Variants in TSNARE1 observed in about 807,000 individuals in gnomAD.
TSNARE1 encodes the protein t-SNARE domain containing 1.
Under a neutral mutation model 62.0 loss-of-function variants are expected in TSNARE1, and 49 were observed. The observed-to-expected ratio is 0.79, with a 90% CI of 0.63 to 1.00. The LOEUF (loss-of-function observed/expected upper bound fraction) is 1.00. Ranked by LOEUF, TSNARE1 falls within the 50% of genes least tolerant of loss-of-function variation. The pLI, the probability that TSNARE1 is intolerant of heterozygous loss-of-function variation, is 0.00. For synonymous variants in TSNARE1, 328 were observed against 294.4 expected (o/e 1.11, Z -1.17); for missense variants, 755 against 700.1 (o/e 1.08, Z -0.88).
intron 1 of TSNARE1, among the ~76,000 whole-genome samples, chr8:142,367,235 T>G (rs1035269811): frequency 6.6e-6 from 1 of 152,196 alleles, no homozygotes; most frequent in Non-Finnish European, 1.5e-5. Flanking sequence ...GCTGGACAAG[T>G]TGGCAGACAG....
chr8:142,220,157 G>T (rs1185251447), intron 13 of TSNARE1, among the ~76,000 whole-genome samples: 1 of 152,220 alleles, frequency 6.6e-6, no homozygotes, highest in Admixed American at 6.5e-5. Flanking sequence ...GAGCTCCACG[G>T]CCATGACTGA....
intron 11 of TSNARE1, chr8:142,278,493 G>A: frequency 2.0e-6 from 2 of 985,468 alleles, no homozygotes; most frequent in Non-Finnish European, 2.4e-6. Context: ...GCGGGGCTCT[G>A]CTTCGAAGGG....
At chr8:142,276,525 G>A (rs1820528501) in intron 11 of TSNARE1, 2 of 985,366 alleles carry the variant, frequency 2.0e-6, no homozygotes, top group African/African-American at 1.7e-5. Flanking sequence ...AATGTGGACA[G>A]TGGAGAGCAT....
At position 142,273,192 on chromosome 8, in the gene TSNARE1, T is replaced by TC. The variant is rs1563800987; in HGVS notation, c.1446+1588dup. 1.4e-4 allele frequency: 141 copies of TC among 981,260 alleles called. No homozygotes were observed. In the African/African-American group the frequency reaches 1.9e-3, roughly 13 times the overall value. 60.8% of individuals were successfully genotyped at this position (981,260 alleles called of 1,614,324 possible). ...ACTGCCCTCCTTTCCTCCTCCTCCT[T>TC]CACCTCCTCCTCTTCCTCACTGTCC... On this transcript the variant is annotated intron_variant, in intron 12 of 13. Transcript: ENST00000524325.
chr8:142,308,518 G>C (rs1442953130), intron 9 of TSNARE1, among the ~76,000 whole-genome samples: 1 of 152,126 alleles, frequency 6.6e-6, no homozygotes. Context: ...CGCCACGTAC[G>C]TGTGGTCCGT....
chr8:142,406,625 G>A (rs1454996824), upstream of TSNARE1: 1 of 152,272 alleles, frequency 6.6e-6, no homozygotes, highest in Admixed American at 6.5e-5. Context: ...ACCAGACTAA[G>A]CCCTGTCTTG....
intron 10 of TSNARE1, among the ~76,000 whole-genome samples, chr8:142,285,629 T>G (rs962841378): frequency 6.6e-6 from 1 of 151,728 alleles, no homozygotes; most frequent in Non-Finnish European, 1.5e-5. Flanking sequence ...GGTGGGTGGG[T>G]TGGTCAATGA....
At chr8:142,241,454 C>T (rs532748665) in intron 12 of TSNARE1, among the ~76,000 whole-genome samples, 26 of 152,154 alleles carry the variant, frequency 1.7e-4, no homozygotes, top group Admixed American at 3.9e-4. Context: ...ATATACAGAT[C>T]GAACAGAATC....
At position 142,295,907 on chromosome 8, in the gene TSNARE1, G is replaced by A. The variant is rs934470007; in HGVS notation, c.1290+4579C>T. On this transcript the variant is annotated intron_variant, in intron 10 of 13. Transcript: ENST00000524325. The stretch of plus-strand genomic sequence containing the variant: ...ATGAGATGCTACCTGTGGGACCTGC[G>A]TCCATCCTGGGTGCCGGCAGTGAGG... Among the ~76,000 whole-genome samples the A allele has an allele frequency of 1.3e-4, 19 of 149,872 alleles. No individual in the cohort carries two copies. In the East Asian group the frequency reaches 2.6e-3, roughly 21 times the overall value.
rs1185240190 is a variant in TSNARE1, at chr8:142,345,846, G to A, written c.135C>T (p.Cys45=). Residue 45 remains cysteine, a synonymous_variant, in exon 3 of 14, where the codon TGC becomes TGT. Transcript: ENST00000524325. ...TCTGCAGCTTGCTCTCTGGCGACGG[G>A]CAGGGGAAATGGCGGATTCCATACT... ...WTEYGIRHFP[C]PSPESKLQNR... is the part of the protein sequence containing the mutation. 1 of 1,613,968 alleles carries A rather than the reference G, an allele frequency of 6.2e-7. No individual in the cohort carries two copies. Among genetic ancestry groups the A allele is most frequent in the Admixed American group, 1.7e-5 (1 of 60,006 alleles).
chr8:142,397,287 G>A (rs987243753), intron 1 of TSNARE1, among the ~76,000 whole-genome samples: 2 of 152,028 alleles, frequency 1.3e-5, no homozygotes, highest in Non-Finnish European at 2.9e-5. Context: ...GCCTACCCTG[G>A]GGCTGCACTC....
At chr8:142,257,390 G>A (rs901117256) in intron 12 of TSNARE1, among the ~76,000 whole-genome samples, 9 of 152,202 alleles carry the variant, frequency 5.9e-5, no homozygotes, top group African/African-American at 7.2e-5. Flanking sequence ...ACAGCTGGCC[G>A]TGGACAGCCA....
chr8:142,243,450 C>T (rs1410852347), intron 12 of TSNARE1, among the ~76,000 whole-genome samples: 3 of 152,048 alleles, frequency 2.0e-5, no homozygotes, highest in African/African-American at 7.3e-5. Context: ...TTCGTGACAA[C>T]GTGGAGGCAC....
chr8:142,399,260 G>A (rs1838117699), intron 1 of TSNARE1, among the ~76,000 whole-genome samples: 1 of 152,208 alleles, frequency 6.6e-6, no homozygotes, highest in Admixed American at 6.5e-5. Context: ...AAGGATAGTG[G>A]AATAAGAACA....
Position 142,330,920 on chromosome 8 carries a change from G to C in TSNARE1, c.874C>G (p.Gln292Glu). ...LQSLGTPSDT[Q>E]ELRDSLHTAQ... ...ACTCACAGGCTGTCCCGAAGCTCCT[G>C]CGTGTCACTCGGTGTCCCTAAGGAC... Residue 292 changes from glutamine to glutamate, a missense_variant, in exon 6 of 14, where the codon CAG becomes GAG. Transcript: ENST00000524325. 6.2e-7 allele frequency: 1 copy of C among 1,614,130 alleles called. No homozygotes were observed. Among genetic ancestry groups the C allele is most frequent in the Non-Finnish European group, 8.5e-7 (1 of 1,180,004 alleles).
rs573626124 is a variant in TSNARE1, at chr8:142,271,642, G to A, written c.1446+3139C>T. The A allele has an allele frequency of 5.0e-6, 7 of 1,408,712 alleles. No homozygotes were observed. In the African/African-American group the frequency reaches 1.0e-4, roughly 21 times the overall value. The allele number at this position is 1,408,712 out of a possible 1,614,324, so 87.3% of individuals were successfully genotyped here. On this transcript the variant is annotated intron_variant, in intron 12 of 13. Coordinates refer to ENST00000524325, the MANE Select transcript of TSNARE1 (RefSeq NM_145003.5). Reference sequence around the variant, plus strand: ...GTTCAGGCAGGCTGGGCCCTTCCAGGGACCTCAGGGGCAGCCACAAGCAGC... The same window carrying A: ...GTTCAGGCAGGCTGGGCCCTTCCAGAGACCTCAGGGGCAGCCACAAGCAGC...
At chr8:142,247,404 C>G (rs1419333641) in intron 12 of TSNARE1, among the ~76,000 whole-genome samples, 2 of 152,222 alleles carry the variant, frequency 1.3e-5, no homozygotes, top group Non-Finnish European at 2.9e-5. Flanking sequence ...TACTTGGGAC[C>G]AGTGACCCCT....
intron 2 of TSNARE1, among the ~76,000 whole-genome samples, chr8:142,352,145 C>A (rs1834173490): frequency 6.6e-6 from 1 of 152,234 alleles, no homozygotes; most frequent in Non-Finnish European, 1.5e-5. Flanking sequence ...CTGTGTAAAC[C>A]CACCTGATGA....
intron 1 of TSNARE1, among the ~76,000 whole-genome samples, chr8:142,360,828 C>CT (rs1835098863): frequency 6.6e-6 from 1 of 152,242 alleles, no homozygotes. Flanking sequence ...GCCCACCGGG[C>CT]TCCCGGCTCC....
Sources: gnomAD v4.1 joint callset for allele counts (sites outside exome capture counted in the v4.1 genomes callset) on GRCh38, gnomAD v4.1.1 for gene constraint, MANE v1.5 for transcripts, NCBI Gene and HGNC (gene_info 2026-07-23, HGNC 2026-07-21) for gene names.